DGKB: variants seen among roughly 807,000 people sequenced by gnomAD.
DGKB encodes the protein 90 kDa diacylglycerol kinase.
A neutral mutation model predicts 114.3 loss-of-function variants in DGKB; 67 were observed. The ratio of observed to expected loss-of-function variants is 0.59; its 90% CI spans 0.48 to 0.72. DGKB has a LOEUF of 0.72. Ranked by LOEUF, DGKB falls within the 30% of genes least tolerant of loss-of-function variation. DGKB has a pLI of 0.00. For missense variants in DGKB, 907 were observed against 975.2 expected (o/e 0.93, Z 0.93); for synonymous variants, 398 against 323.1 (o/e 1.23, Z -2.49).
At chr7:14,670,512 C>A (rs1818793851) in intron 13 of DGKB, among the ~76,000 whole-genome samples, 1 of 151,878 alleles carries the variant, frequency 6.6e-6, no homozygotes, top group Non-Finnish European at 1.5e-5. Flanking sequence ...CCATGTTGGC[C>A]AGGGGGGGTC....
intron 13 of DGKB, among the ~76,000 whole-genome samples, chr7:14,645,328 CT>C (rs1812725268): frequency 6.6e-6 from 1 of 152,160 alleles, no homozygotes; most frequent in Non-Finnish European, 1.5e-5. Context: ...AATCCTTGAA[CT>C]GCAGGAGCAA....
intron 2 of DGKB, among the ~76,000 whole-genome samples, chr7:14,834,827 G>T (rs958295028): frequency 6.6e-6 from 1 of 152,054 alleles, no homozygotes; most frequent in Non-Finnish European, 1.5e-5. Context: ...GGATTTTTTG[G>T]GGGGAGGTCA....
chr7:14,713,443 G>A (rs1027449049), intron 6 of DGKB, among the ~76,000 whole-genome samples: 1 of 151,938 alleles, frequency 6.6e-6, no homozygotes, highest in African/African-American at 2.4e-5. Context: ...AAAATCAGCT[G>A]CTTAGGTGTG....
rs71854539 is a variant in DGKB, at chr7:14,471,275, TAC to T, written c.1835+6884_1835+6885del. 4.7e-4 allele frequency among the ~76,000 whole-genome samples: 63 copies of T among 134,378 alleles called. 1 individual carries two copies. Among genetic ancestry groups the T allele is most frequent in the African/African-American group, 1.6e-3 (59 of 36,896 alleles). 88.2% of individuals were successfully genotyped at this position (134,378 alleles called of 152,430 possible). A position where few individuals can be genotyped will look rare whatever the true frequency, so the allele number is the denominator to read the frequency against. The stretch of plus-strand genomic sequence containing the variant: ...TATATGTGTATGGAATATATGTGTA[TAC>T]ATACATATATGTATGGAATATATGT... On this transcript the variant is annotated intron_variant, in intron 21 of 25. Transcript: ENST00000402815.
At chr7:14,896,483 A>C (rs1040881772) in intron 1 of DGKB, among the ~76,000 whole-genome samples, 1 of 151,602 alleles carries the variant, frequency 6.6e-6, no homozygotes, top group African/African-American at 2.4e-5. Flanking sequence ...ATATTTTATT[A>C]ATATAAAACT....
chr7:14,762,003 G>T (rs1562469831), intron 2 of DGKB, among the ~76,000 whole-genome samples: 1 of 152,102 alleles, frequency 6.6e-6, no homozygotes, highest in Non-Finnish European at 1.5e-5. Context: ...TGCTTGGCTT[G>T]ACTGGCAGGG....
chr7:14,696,933 A>G (rs1824040010), intron 8 of DGKB, among the ~76,000 whole-genome samples: 1 of 152,228 alleles, frequency 6.6e-6, no homozygotes, highest in African/African-American at 2.4e-5. Flanking sequence ...TTTACCGCAT[A>G]GATGTGAACA....
At chr7:14,671,234 C>T (rs148264240) in intron 13 of DGKB, among the ~76,000 whole-genome samples, 1 of 151,952 alleles carries the variant, frequency 6.6e-6, no homozygotes, top group Non-Finnish European at 1.5e-5. Flanking sequence ...ACATTGTGAA[C>T]CCAGGAAAGA....
At chr7:14,536,732 A>G (rs182944534) in intron 20 of DGKB, among the ~76,000 whole-genome samples, 1 of 152,302 alleles carries the variant, frequency 6.6e-6, no homozygotes, top group East Asian at 1.9e-4. Context: ...CTCAACAGAG[A>G]AATGCTGAAA....
intron 1 of DGKB, among the ~76,000 whole-genome samples, chr7:14,900,983 T>C (rs6963299): frequency 0.31 from 46,478 of 151,958 alleles, 7,365 homozygotes; most frequent in East Asian, 0.42. Context: ...TTCTTTCTCA[T>C]TGCTGTCAAA....
intron 2 of DGKB, among the ~76,000 whole-genome samples, chr7:14,770,780 C>G (rs1328573246): frequency 2.6e-5 from 4 of 151,994 alleles, no homozygotes; most frequent in African/African-American, 7.2e-5. Flanking sequence ...CCAGTTTTCA[C>G]TAACAGCTGA....
At chr7:14,691,923 A>G (rs1822939645) in intron 9 of DGKB, among the ~76,000 whole-genome samples, 1 of 152,016 alleles carries the variant, frequency 6.6e-6, no homozygotes, top group South Asian at 2.1e-4. Flanking sequence ...TACTAAAAAC[A>G]TAAAAAATAA....
At chr7:14,878,913 G>T (rs1487839938) in intron 1 of DGKB, among the ~76,000 whole-genome samples, 2 of 149,436 alleles carry the variant, frequency 1.3e-5, no homozygotes, top group Non-Finnish European at 2.9e-5. Context: ...TAGGTTACAA[G>T]ATCTGCCGGC....
At chr7:14,961,103 C>T (rs1389015143) in intron 1 of DGKB, among the ~76,000 whole-genome samples, 1 of 151,978 alleles carries the variant, frequency 6.6e-6, no homozygotes, top group African/African-American at 2.4e-5. Flanking sequence ...TACAGGAGAG[C>T]CTTCCATTCC....
chr7:14,665,479 C>A (rs1221010802), intron 13 of DGKB, among the ~76,000 whole-genome samples: 2 of 151,836 alleles, frequency 1.3e-5, no homozygotes, highest in East Asian at 3.9e-4. Context: ...CACAAGCTTA[C>A]CTATATAATA....
At chr7:14,585,872 C>T (rs532841611) in intron 17 of DGKB, among the ~76,000 whole-genome samples, 5 of 152,184 alleles carry the variant, frequency 3.3e-5, no homozygotes, top group African/African-American at 7.2e-5. Context: ...CCATGAACCA[C>T]GCCCATGTAA....
chr7:14,690,614 G>A (rs1045209976), intron 9 of DGKB, among the ~76,000 whole-genome samples: 1 of 152,190 alleles, frequency 6.6e-6, no homozygotes, highest in African/African-American at 2.4e-5. Flanking sequence ...TAGCTTTTGT[G>A]GTTCATTTAC....
At chr7:14,892,263 C>T (rs73287433) in intron 1 of DGKB, among the ~76,000 whole-genome samples, 151 of 151,216 alleles carry the variant, frequency 1.0e-3, no homozygotes, top group African/African-American at 3.4e-3. Context: ...CAGTGGATAA[C>T]GTGGAAAGAA....
chr7:14,675,125 C>A (rs529037106), intron 12 of DGKB, among the ~76,000 whole-genome samples: 1 of 152,164 alleles, frequency 6.6e-6, no homozygotes, highest in South Asian at 2.1e-4. Flanking sequence ...CTACAAAAAA[C>A]AGATCTGAGA....
Sources: allele counts gnomAD v4.1 joint callset (sites outside exome capture counted in the v4.1 genomes callset), GRCh38; gene constraint gnomAD v4.1.1; transcripts MANE v1.5; gene names NCBI Gene and HGNC (gene_info 2026-07-23, HGNC 2026-07-21).